ABR: variants seen among roughly 807,000 people sequenced by gnomAD.
The protein encoded by ABR is active breakpoint cluster region-related protein.
Under a neutral mutation model 107.2 loss-of-function variants are expected in ABR, and 35 were observed. The observed-to-expected ratio is 0.33, with a 90% CI of 0.25 to 0.43. The LOEUF (loss-of-function observed/expected upper bound fraction) is 0.43. Among genes scored for constraint, ABR ranks in the 20% least tolerant of loss-of-function variants. The pLI, the probability that ABR is intolerant of heterozygous loss-of-function variation, is 1.00. For missense variants in ABR, 815 were observed against 1,115.2 expected (o/e 0.73, Z 3.83); for synonymous variants, 498 against 462.0 (o/e 1.08, Z -1.00).
intron 16 of ABR, among the ~76,000 whole-genome samples, chr17:1,041,810 G>C (rs889941102): frequency 6.6e-6 from 1 of 152,150 alleles, no homozygotes; most frequent in African/African-American, 2.4e-5. Context: ...TTGTTCCCGC[G>C]GCCTCAGGGT....
In ABR at chr17:1,008,425, C is replaced by T. The variant is rs533039040; in HGVS notation, c.2343-1113G>A. ...GTGATGCCAACAGGCAGCTGTGCAG[C>T]GGGGCCAGCCCCTCACCACACGCGC... On this transcript the variant is annotated intron_variant, in intron 21 of 22. Transcript: ENST00000302538. Among the ~76,000 whole-genome samples the T allele has an allele frequency of 3.9e-5, 6 of 152,348 alleles. No individual in the cohort carries two copies. In the East Asian group the frequency reaches 7.7e-4, roughly 20 times the overall value.
chr17:1,137,025 CTCTT>C (rs1470693314), intron 1 of ABR, among the ~76,000 whole-genome samples: 7,968 of 106,636 alleles, frequency 0.075, 337 homozygotes, highest in African/African-American at 0.12. Flanking sequence ...CTCTCTCTCT[CTCTT>C]TCTCTCTTCC....
chr17:1,040,428 G>T (rs2030187416), intron 16 of ABR, among the ~76,000 whole-genome samples: 1 of 152,260 alleles, frequency 6.6e-6, no homozygotes, highest in Admixed American at 6.5e-5. Flanking sequence ...GCTCAGAGCT[G>T]CCGTGCTGGG....
Position 1,004,757 on chromosome 17 carries a change from C to T in ABR, c.*1323G>A. The T allele has an allele frequency of 3.1e-6, 1 of 324,710 alleles. No individual in the cohort carries two copies. The highest frequency in any genetic ancestry group is 5.6e-6 in the Non-Finnish European group (1 of 178,716). The allele number at this position is 324,710 out of a possible 1,614,324, so 20.1% of individuals were successfully genotyped here. A position where few individuals can be genotyped will look rare whatever the true frequency, so the allele number is the denominator to read the frequency against. On this transcript the variant is annotated 3_prime_UTR_variant, in exon 23 of 23. Coordinates refer to ENST00000302538, the MANE Select transcript of ABR (RefSeq NM_021962.5). Reference sequence around the variant, plus strand: ...AGAGGCGGCTGTCTGATTCCCCACTCTCCCCACAACTTCTGGAGTTCCCAG... The same window carrying T: ...AGAGGCGGCTGTCTGATTCCCCACTTTCCCCACAACTTCTGGAGTTCCCAG...
Position 1,148,597 on chromosome 17 carries a change from G to A in ABR, c.62-23230C>T, listed in dbSNP as rs116892719. 6.6e-6 allele frequency among the ~76,000 whole-genome samples: 1 copy of A among 152,356 alleles called. No homozygotes were observed. Among genetic ancestry groups the A allele is most frequent in the East Asian group, 1.9e-4 (1 of 5,178 alleles). On this transcript the variant is annotated intron_variant, in intron 1 of 22. Coordinates refer to ENST00000302538, the MANE Select transcript of ABR (RefSeq NM_021962.5). The surrounding 1 kb of genome is among the most constrained non-coding windows in gnomAD (Gnocchi z 4.9). ...AACCCCACTTCCCATCCGAGCAGCA[G>A]CGGCATTAGGTTCTCGTAGGAGCGT...
At chr17:1,153,178 C>G (rs1229693409) in intron 1 of ABR, among the ~76,000 whole-genome samples, 56 of 152,230 alleles carry the variant, frequency 3.7e-4, no homozygotes, top group Admixed American at 3.5e-3. Flanking sequence ...CTTGCCCCAT[C>G]ATCAGGTGCA....
chr17:1,016,553 C>T (rs1390814515), intron 16 of ABR, among the ~76,000 whole-genome samples: 5 of 151,900 alleles, frequency 3.3e-5, no homozygotes, highest in East Asian at 1.9e-4. Flanking sequence ...TGACCTCAGG[C>T]GATCCACCTG....
chr17:1,011,604 C>T lies in ABR; in HGVS notation c.2101+242G>A. Reference sequence around the variant, plus strand: ...GTTTTAAGTCCAGAACCAAAACCTACAAGTTGGGTCATCCTGGGCAAGTGA... The same window carrying T: ...GTTTTAAGTCCAGAACCAAAACCTATAAGTTGGGTCATCCTGGGCAAGTGA... On this transcript the variant is annotated intron_variant, in intron 19 of 22. Coordinates refer to ENST00000302538, the MANE Select transcript of ABR (RefSeq NM_021962.5). This position sits in a 1 kb window ranked among gnomAD's most constrained non-coding sequence, Gnocchi z 4.8. The T allele has an allele frequency of 2.6e-6, 1 of 383,846 alleles. No individual in the cohort carries two copies. The highest frequency in any genetic ancestry group is 6.9e-4 in the Middle Eastern group (1 of 1,440). 23.8% of individuals were successfully genotyped at this position (383,846 alleles called of 1,614,324 possible). A position where few individuals can be genotyped will look rare whatever the true frequency, so the allele number is the denominator to read the frequency against.
chr17:1,175,935 C>T (rs1290705753), intron 1 of ABR, among the ~76,000 whole-genome samples: 2 of 151,696 alleles, frequency 1.3e-5, no homozygotes, highest in Non-Finnish European at 2.9e-5. Context: ...ACTAAAAACA[C>T]AAAAAATTAG....
At chr17:1,195,399 A>G (rs1279770987) in intron 1 of ABR, among the ~76,000 whole-genome samples, 1 of 151,076 alleles carries the variant, frequency 6.6e-6, no homozygotes, top group Non-Finnish European at 1.5e-5. Flanking sequence ...CCCGGCCCTT[A>G]AGGGTGTTTT....
intron 1 of ABR, among the ~76,000 whole-genome samples, chr17:1,216,892 G>A (rs1364421103): frequency 2.0e-5 from 3 of 152,162 alleles, no homozygotes; most frequent in Non-Finnish European, 4.4e-5. Flanking sequence ...AAGCCACTCT[G>A]TGCCCTCTGA....
chr17:1,078,071 G>A lies in ABR; in HGVS notation c.700+1259C>T, dbSNP rs2035876857. ...CCCCAGCCAGCTGCGGGAGCTGCAAGGAGGATGGTCCGGGTCCCTTCCACC... is the reference window on the plus strand; with the variant it reads ...CCCCAGCCAGCTGCGGGAGCTGCAAAGAGGATGGTCCGGGTCCCTTCCACC... On this transcript the variant is annotated intron_variant, in intron 6 of 22. Coordinates refer to ENST00000302538, the MANE Select transcript of ABR (RefSeq NM_021962.5). The surrounding 1 kb of genome is among the most constrained non-coding windows in gnomAD (Gnocchi z 7.5). Among the ~76,000 whole-genome samples the A allele has an allele frequency of 6.6e-6, 1 of 152,130 alleles. No homozygotes were observed. Among genetic ancestry groups the A allele is most frequent in the Admixed American group, 6.5e-5 (1 of 15,278 alleles).
chr17:1,107,249 G>C (rs1215637107), intron 2 of ABR, among the ~76,000 whole-genome samples: 1 of 152,208 alleles, frequency 6.6e-6, no homozygotes, highest in Non-Finnish European at 1.5e-5. Context: ...GGCATCCGTG[G>C]GCCACCGCCG....
At chr17:1,014,355 A>G (rs6598846) in intron 16 of ABR, among the ~76,000 whole-genome samples, 63,011 of 114,500 alleles carry the variant, frequency 0.55, 18,042 homozygotes, top group East Asian at 0.73. Flanking sequence ...GCAGGAGAAT[A>G]GCGTGAACCC....
At position 1,125,185 on chromosome 17, in the gene ABR, C is replaced by T; in HGVS notation, c.244G>A (p.Gly82Arg). The change falls in exon 2 of 23, where the codon GGG (glycine) becomes AGG (arginine). Residue 82 changes from glycine to arginine, a missense_variant and splice_region_variant. Coordinates refer to ENST00000302538, the MANE Select transcript of ABR (RefSeq NM_021962.5). Reference sequence around the variant, plus strand: ...GAAAGAAAAGCCGGTGTACCTACCCCAGGAGCCAGTCCCTCAGGTGGAGTC... The same window carrying T: ...GAAAGAAAAGCCGGTGTACCTACCCTAGGAGCCAGTCCCTCAGGTGGAGTC... ...SPTPPEGLAP[G>R]VEAGKGLEMR... The T allele has an allele frequency of 1.3e-6, 2 of 1,579,056 alleles. No individual in the cohort carries two copies. The highest frequency in any genetic ancestry group is 1.7e-6 in the Non-Finnish European group (2 of 1,161,246).
chr17:1,049,485 G>A (rs533049718), intron 16 of ABR, among the ~76,000 whole-genome samples: 4 of 152,126 alleles, frequency 2.6e-5, no homozygotes, highest in Admixed American at 6.5e-5. Flanking sequence ...CCCTTAACCC[G>A]AGGTGCAGCC....
chr17:1,131,167 C>T (rs1270508033), intron 1 of ABR, among the ~76,000 whole-genome samples: 14 of 131,254 alleles, frequency 1.1e-4, no homozygotes, highest in Admixed American at 3.0e-4. Flanking sequence ...GCCTGCCACG[C>T]GCACAGCTCC....
At chr17:1,012,874 C>G in intron 17 of ABR, 77 bp from the exon 18 acceptor site, 1 of 1,302,638 alleles carries the variant, frequency 7.7e-7, no homozygotes, top group South Asian at 1.3e-5. Context: ...ACAGGGGTCC[C>G]CTCCCCAAGA....
chr17:1,053,673 C>T (rs2260781), intron 14 of ABR, among the ~76,000 whole-genome samples: 116,172 of 152,068 alleles, frequency 0.76, 44,639 homozygotes, highest in East Asian at 0.97. Context: ...GGGGTGGCGG[C>T]GGCGAAGGGA....
Sources: allele counts gnomAD v4.1 joint callset (sites outside exome capture counted in the v4.1 genomes callset), GRCh38; gene constraint gnomAD v4.1.1; non-coding constraint Gnocchi (gnomAD v3.1); transcripts MANE v1.5; gene names NCBI Gene and HGNC (gene_info 2026-07-23, HGNC 2026-07-21).